Variants in OGDH observed in about 807,000 individuals in gnomAD.
OGDH encodes 2-oxoglutarate dehydrogenase complex component E1.
In OGDH, 38 loss-of-function variants were observed where a neutral mutation model predicts 116.6. That is an observed-to-expected ratio of 0.33 (90% CI 0.25 to 0.43). OGDH has a LOEUF of 0.43. Among genes scored for constraint, OGDH ranks in the 20% least tolerant of loss-of-function variants. The probability of loss-of-function intolerance (pLI) is 1.00; values close to 1 mark genes in which losing one functional copy is unlikely to be tolerated. For missense variants in OGDH, 825 were observed against 1,357.2 expected (o/e 0.61, Z 6.16); for synonymous variants, 488 against 533.3 (o/e 0.92, Z 1.17).
At chr7:44,617,977 G>A (rs1162827878) in intron 1 of OGDH, among the ~76,000 whole-genome samples, 3 of 152,158 alleles carry the variant, frequency 2.0e-5, no homozygotes, top group Non-Finnish European at 2.9e-5. Flanking sequence ...CCCAACTGGG[G>A]AAATTCGAGG....
chr7:44,682,912 G>T (rs1325085169), intron 10 of OGDH, among the ~76,000 whole-genome samples: 1 of 151,910 alleles, frequency 6.6e-6, no homozygotes, highest in Non-Finnish European at 1.5e-5. Flanking sequence ...ACTTTGGGCG[G>T]CCGAGGCAGA....
At chr7:44,700,006 G>A in intron 18 of OGDH, 135 bp from the exon 19 acceptor site, 1 of 965,694 alleles carries the variant, frequency 1.0e-6, no homozygotes, top group Admixed American at 2.1e-5. Flanking sequence ...CCCACCTCCA[G>A]CAGTGGGAGA....
At chr7:44,696,262 C>T (rs980948117) in intron 13 of OGDH, 135 bp downstream of exon 13, 9 of 1,026,726 alleles carry the variant, frequency 8.8e-6, no homozygotes, top group Admixed American at 4.3e-5. Flanking sequence ...TCAGCAAAGC[C>T]CCCTGCAGAC....
chr7:44,623,239 G>A (rs6949541), intron 1 of OGDH, among the ~76,000 whole-genome samples: 47,277 of 151,866 alleles, frequency 0.31, 8,683 homozygotes, highest in Non-Finnish European at 0.41. Flanking sequence ...GCAGTGCCTC[G>A]TCTTCCCTCC....
Position 44,707,444 on chromosome 7 carries a change from G to C in OGDH, c.2796+56G>C. 6.2e-7 allele frequency: 1 copy of C among 1,606,566 alleles called. No individual in the cohort carries two copies. The highest frequency in any genetic ancestry group is 8.5e-7 in the Non-Finnish European group (1 of 1,175,834). ...CCCCAGCGGGGGTCAGGGCTCTGGT[G>C]CCTTCACAGAACAGCCTTGCTTGGG... On this transcript the variant is annotated intron_variant, in intron 21 of 22. Coordinates refer to ENST00000222673, the MANE Select transcript of OGDH (RefSeq NM_002541.4). This position sits in a 1 kb window ranked among gnomAD's most constrained non-coding sequence, Gnocchi z 5.2.
chr7:44,635,825 C>T (rs1785644389), intron 2 of OGDH, among the ~76,000 whole-genome samples: 1 of 152,086 alleles, frequency 6.6e-6, no homozygotes, highest in Admixed American at 6.6e-5. Context: ...CTGCCTCAGC[C>T]TCCTGAGTAA....
At chr7:44,695,646 T>A (rs1287167280) in intron 12 of OGDH, among the ~76,000 whole-genome samples, 1 of 147,926 alleles carries the variant, frequency 6.8e-6, no homozygotes, top group Non-Finnish European at 1.5e-5. Context: ...GAAGTTGCAG[T>A]GAGGCAAGAT....
At position 44,707,987 on chromosome 7, in the gene OGDH, G is replaced by A; in HGVS notation, c.3060G>A (p.Lys1020=). 6.2e-7 allele frequency: 1 copy of A among 1,613,382 alleles called. No homozygotes were observed. Residue 1020 remains lysine, a synonymous_variant, in exon 23 of 23, where the codon AAG becomes AAA. Transcript: ENST00000222673. This position sits in a 1 kb window ranked among gnomAD's most constrained non-coding sequence, Gnocchi z 5.2. ...LDTAFDLDVF[K]NFS Reference sequence around the variant, plus strand: ...CGGCCTTCGACCTGGACGTCTTCAAGAACTTCTCGTAGATGCTGCCTAGGG... The same window carrying A: ...CGGCCTTCGACCTGGACGTCTTCAAAAACTTCTCGTAGATGCTGCCTAGGG...
intron 20 of OGDH, among the ~76,000 whole-genome samples, chr7:44,702,146 G>T (rs1000287647): frequency 7.2e-5 from 11 of 151,858 alleles, no homozygotes; most frequent in African/African-American, 2.4e-4. Context: ...CAAATGACAT[G>T]TCTTAACATG....
chr7:44,697,832 T>C lies in OGDH; in HGVS notation c.2358+50T>C. 6.4e-7 allele frequency: 1 copy of C among 1,566,140 alleles called. No homozygotes were observed. The highest frequency in any genetic ancestry group is 8.6e-7 in the Non-Finnish European group (1 of 1,157,474). ...AGACCTAGGACTTGGGAAGGGCCTG[T>C]GTAGGACCCTGACCCCAAAGACTGG... On this transcript the variant is annotated intron_variant, in intron 17 of 22. Coordinates refer to ENST00000222673, the MANE Select transcript of OGDH (RefSeq NM_002541.4). This position sits in a 1 kb window ranked among gnomAD's most constrained non-coding sequence, Gnocchi z 6.0.
intron 4 of OGDH, among the ~76,000 whole-genome samples, chr7:44,657,370 A>G (rs969128589): frequency 6.6e-6 from 1 of 152,152 alleles, no homozygotes; most frequent in African/African-American, 2.4e-5. Context: ...GGGGATTGGC[A>G]TTTTTCAATC....
intron 9 of OGDH, among the ~76,000 whole-genome samples, chr7:44,680,235 G>C (rs145387059): frequency 5.9e-5 from 9 of 152,116 alleles, no homozygotes; most frequent in African/African-American, 2.2e-4. Context: ...AAGAAGAAAA[G>C]AAAGAAAGAA....
chr7:44,665,592 G>T (rs1483280606), intron 4 of OGDH, among the ~76,000 whole-genome samples: 1 of 152,160 alleles, frequency 6.6e-6, no homozygotes, highest in Non-Finnish European at 1.5e-5. Context: ...AACTACCACC[G>T]TTAATCCCGT....
Position 44,697,619 on chromosome 7 carries a change from T to C in OGDH, c.2195T>C (p.Phe732Ser), listed in dbSNP as rs777816513. The C allele has an allele frequency of 6.2e-7, 1 of 1,614,264 alleles. No individual in the cohort carries two copies. Among genetic ancestry groups the C allele is most frequent in the Non-Finnish European group, 8.5e-7 (1 of 1,180,038 alleles). Residue 732 changes from phenylalanine to serine, a missense_variant, in exon 17 of 23, where the codon TTC becomes TCC. By Grantham distance (155) the Phe-to-Ser change is radical (BLOSUM62 -2). Coordinates refer to ENST00000222673, the MANE Select transcript of OGDH (RefSeq NM_002541.4). This position sits in a 1 kb window ranked among gnomAD's most constrained non-coding sequence, Gnocchi z 6.0. ...EYGVLGFELG[F>S]AMASPNALVL... ...TCCCTTGTAGGCTTTGAGCTGGGCT[T>C]CGCCATGGCCAGTCCTAATGCCCTG...
At chr7:44,648,766 T>C (rs1251505332) in intron 4 of OGDH, among the ~76,000 whole-genome samples, 1 of 152,136 alleles carries the variant, frequency 6.6e-6, no homozygotes, top group African/African-American at 2.4e-5. Flanking sequence ...CATTGATGGT[T>C]TGTAATTGTT....
intron 17 of OGDH, 45 bp from the exon 18 acceptor site, chr7:44,698,147 A>G (rs1426922932): frequency 1.3e-6 from 2 of 1,599,128 alleles, no homozygotes; most frequent in Non-Finnish European, 1.7e-6. Context: ...GGCAAATGTC[A>G]GTACGCAAGA....
rs145721417 is a variant in OGDH, at chr7:44,681,043, C to T, written c.1207-677C>T. Among the ~76,000 whole-genome samples the T allele has an allele frequency of 4.6e-3, 694 of 152,312 alleles. 28 individuals are homozygous for T. Among genetic ancestry groups the T allele is most frequent in the Admixed American group, 0.039 (600 of 15,298 alleles). On this transcript the variant is annotated intron_variant, in intron 9 of 22. Coordinates refer to ENST00000222673, the MANE Select transcript of OGDH (RefSeq NM_002541.4). ...GCCAACTAATAAATTTAGGAGTAAT[C>T]GAAACTGGTGTTTGCCATCCATCAA...
chr7:44,647,769 TGA>T lies in OGDH; in HGVS notation c.517+14_517+15del, dbSNP rs768723266. 6.2e-7 allele frequency: 1 copy of T among 1,610,460 alleles called. No individual in the cohort carries two copies. The highest frequency in any genetic ancestry group is 8.5e-7 in the Non-Finnish European group (1 of 1,176,790). ...TCCACAGACAAACTTGGTGAGGGTC[TGA>T]GAGCAGTCAGCTGCGTTGCTTGAGC... is the stretch of plus-strand genomic sequence containing the variant. On this transcript the variant is annotated intron_variant, in intron 4 of 22. Transcript: ENST00000222673.
At position 44,694,921 on chromosome 7, in the gene OGDH, G is replaced by A. The variant is rs1292559353; in HGVS notation, c.1668+345G>A. 6.6e-6 allele frequency among the ~76,000 whole-genome samples: 1 copy of A among 152,074 alleles called. No homozygotes were observed. Among genetic ancestry groups the A allele is most frequent in the Non-Finnish European group, 1.5e-5 (1 of 68,028 alleles). ...TTGGTAAGGGGCCTGTTGTAATCTG[G>A]ATAGTAAGTGCTGGTTGGTTGTGAG... On this transcript the variant is annotated intron_variant, in intron 12 of 22. Coordinates refer to ENST00000222673, the MANE Select transcript of OGDH (RefSeq NM_002541.4). The surrounding 1 kb of genome is among the most constrained non-coding windows in gnomAD (Gnocchi z 4.2).
Sources: gnomAD v4.1 joint callset for allele counts (sites outside exome capture counted in the v4.1 genomes callset) on GRCh38, gnomAD v4.1.1 for gene constraint, Gnocchi (gnomAD v3.1) non-coding constraint, MANE v1.5 for transcripts, NCBI Gene and HGNC (gene_info 2026-07-23, HGNC 2026-07-21) for gene names.